The following MTUS2 variants were observed in gnomAD, a reference collection of about 807,000 sequenced individuals.
MTUS2 encodes the protein microtubule associated scaffold protein 2.
In MTUS2, 40 loss-of-function variants were observed where a neutral mutation model predicts 114.1. The ratio of observed to expected loss-of-function variants is 0.35; its 90% confidence interval spans 0.27 to 0.46. MTUS2 has a LOEUF of 0.46. MTUS2 is among the 20% of genes least tolerant of loss of function. The pLI, the probability that MTUS2 is intolerant of heterozygous loss-of-function variation, is 1.00. For missense variants in MTUS2, 1,679 were observed against 1,705.4 expected (o/e 0.98, Z 0.27); for synonymous variants, 688 against 672.0 (o/e 1.02, Z -0.37).
intron 2 of MTUS2, among the ~76,000 whole-genome samples, chr13:28,912,008 T>G (rs1340303417): frequency 1.3e-5 from 2 of 152,096 alleles, no homozygotes; most frequent in Non-Finnish European, 2.9e-5. Flanking sequence ...TTAGTTTAAT[T>G]CGATTCCATT....
At chr13:29,108,318 A>G (rs1890751191) in intron 5 of MTUS2, among the ~76,000 whole-genome samples, 1 of 152,244 alleles carries the variant, frequency 6.6e-6, no homozygotes, top group Non-Finnish European at 1.5e-5. Flanking sequence ...AGAAGCACTC[A>G]GACAATGATG....
intron 6 of MTUS2, among the ~76,000 whole-genome samples, chr13:29,295,740 C>G (rs1425220321): frequency 2.0e-5 from 3 of 152,128 alleles, no homozygotes; most frequent in African/African-American, 7.2e-5. Context: ...CTCAACAGTT[C>G]CCCATGGCTG....
intron 6 of MTUS2, among the ~76,000 whole-genome samples, chr13:29,308,074 C>T (rs927150394): frequency 2.0e-5 from 3 of 152,186 alleles, no homozygotes; most frequent in African/African-American, 4.8e-5. Flanking sequence ...CAGAATGGAA[C>T]CAAAAAAGAT....
intron 8 of MTUS2, among the ~76,000 whole-genome samples, chr13:29,391,059 G>A (rs1459794632): frequency 3.3e-5 from 5 of 151,888 alleles, no homozygotes; most frequent in Non-Finnish European, 7.4e-5. Context: ...TTAGAGGCAT[G>A]AGCCACCGTG....
chr13:29,133,675 C>T (rs1891858444), intron 5 of MTUS2, among the ~76,000 whole-genome samples: 1 of 152,084 alleles, frequency 6.6e-6, no homozygotes, highest in South Asian at 2.1e-4. Context: ...TAAGGGTTTA[C>T]TTTTGGATTA....
At chr13:29,488,124 T>G (rs762669524) in intron 11 of MTUS2, 119 bp downstream of exon 11, 31 of 755,068 alleles carry the variant, frequency 4.1e-5, no homozygotes, top group Non-Finnish European at 6.6e-5. Context: ...CTTTCCCTCC[T>G]GGTGCATTTT....
intron 7 of MTUS2, among the ~76,000 whole-genome samples, chr13:29,332,477 A>G (rs1278447335): frequency 6.6e-6 from 1 of 151,686 alleles, no homozygotes; most frequent in East Asian, 1.9e-4. Flanking sequence ...CTAGTGGTCT[A>G]TCTAATTTGT....
chr13:28,919,742 G>A (rs967339792), intron 2 of MTUS2, among the ~76,000 whole-genome samples: 4 of 152,058 alleles, frequency 2.6e-5, no homozygotes, highest in African/African-American at 4.8e-5. Flanking sequence ...TGTAGATCTT[G>A]TAGGCATGCT....
intron 9 of MTUS2, among the ~76,000 whole-genome samples, chr13:29,468,287 G>A (rs547857659): frequency 1.5e-4 from 23 of 150,286 alleles, no homozygotes; most frequent in African/African-American, 5.1e-4. Flanking sequence ...CTTCAAAAGA[G>A]CATTACTGAG....
intron 6 of MTUS2, chr13:29,307,798 A>G: frequency 1.3e-5 from 12 of 942,914 alleles, no homozygotes; most frequent in Non-Finnish European, 1.9e-5. Flanking sequence ...CCCCCAGACC[A>G]CCAGCCCCAG....
chr13:29,183,351 G>A (rs1157087402), intron 5 of MTUS2, among the ~76,000 whole-genome samples: 3 of 152,078 alleles, frequency 2.0e-5, no homozygotes, highest in Non-Finnish European at 2.9e-5. Context: ...ATGGAGATGA[G>A]GAAAACAGCA....
chr13:28,942,553 G>T (rs1029153675), intron 2 of MTUS2, among the ~76,000 whole-genome samples: 3 of 152,194 alleles, frequency 2.0e-5, no homozygotes, highest in South Asian at 4.1e-4. Context: ...CTCCAAACTG[G>T]AAACAACCCA....
chr13:28,899,684 A>G (rs539421567), intron 2 of MTUS2, among the ~76,000 whole-genome samples: 1 of 152,228 alleles, frequency 6.6e-6, no homozygotes, highest in African/African-American at 2.4e-5. Flanking sequence ...TGCTGGGATT[A>G]CAGGTGTGAG....
At chr13:29,013,783 CAT>C (rs1491571141) in intron 2 of MTUS2, among the ~76,000 whole-genome samples, 5 of 152,160 alleles carry the variant, frequency 3.3e-5, no homozygotes, top group Non-Finnish European at 7.4e-5. Flanking sequence ...CACACACACA[CAT>C]ACGTGCACAG....
At chr13:29,433,644 C>G (rs1237510484) in intron 8 of MTUS2, among the ~76,000 whole-genome samples, 1 of 152,150 alleles carries the variant, frequency 6.6e-6, no homozygotes, top group Non-Finnish European at 1.5e-5. Context: ...GCGATAGCCA[C>G]AAAAGGTGGT....
chr13:29,346,073 A>G (rs1868648769), intron 7 of MTUS2, among the ~76,000 whole-genome samples: 1 of 152,144 alleles, frequency 6.6e-6, no homozygotes, highest in African/African-American at 2.4e-5. Flanking sequence ...GGGGAGTGAA[A>G]TGGACTCAGA....
intron 5 of MTUS2, among the ~76,000 whole-genome samples, chr13:29,205,297 C>T (rs1895135780): frequency 6.6e-6 from 1 of 152,214 alleles, no homozygotes; most frequent in Non-Finnish European, 1.5e-5. Flanking sequence ...TGTTTTAGCA[C>T]AGGCAATGTT....
chr13:29,440,972 C>T (rs183625881), intron 9 of MTUS2, among the ~76,000 whole-genome samples: 185 of 152,302 alleles, frequency 1.2e-3, no homozygotes, highest in Admixed American at 5.9e-3. Context: ...CCTTTGTATT[C>T]CTCTCTCCCT....
intron 7 of MTUS2, among the ~76,000 whole-genome samples, chr13:29,343,185 G>C (rs1901486632): frequency 2.1e-5 from 2 of 94,304 alleles, no homozygotes; most frequent in Admixed American, 2.7e-4. Flanking sequence ...GAATGATTTA[G>C]GGAGGATTCC....
Sources: gnomAD v4.1 joint callset for allele counts (sites outside exome capture counted in the v4.1 genomes callset) on GRCh38, gnomAD v4.1.1 for gene constraint, MANE v1.5 for transcripts, NCBI Gene and HGNC (gene_info 2026-07-23, HGNC 2026-07-21) for gene names.